FGD5: variants seen among roughly 807,000 people sequenced by gnomAD.
The protein encoded by FGD5 is FYVE, RhoGEF and PH domain-containing protein 5.
Under a neutral mutation model 133.4 loss-of-function variants are expected in FGD5, and 28 were observed. That is an observed-to-expected ratio of 0.21 (90% CI 0.16 to 0.29). The LOEUF is 0.29. Ranked by LOEUF, FGD5 falls within the 10% of genes least tolerant of loss-of-function variation. FGD5 has a pLI of 1.00. For missense variants in FGD5, 1,858 were observed against 1,895.2 expected, an observed-to-expected ratio of 0.98 and a Z score of 0.36; for synonymous variants, 810 against 776.5, an observed-to-expected ratio of 1.04 and a Z score of -0.72.
chr3:14,888,576 T>C (rs1437839899), intron 4 of FGD5, among the ~76,000 whole-genome samples: 1 of 152,256 alleles, frequency 6.6e-6, no homozygotes. Flanking sequence ...ATGTAAAATA[T>C]GCATTCTTTT....
intron 1 of FGD5, among the ~76,000 whole-genome samples, chr3:14,812,001 GGTGTGT>G (rs10644004): frequency 0.039 from 5,622 of 145,596 alleles, 345 homozygotes; most frequent in African/African-American, 0.13. Context: ...ATATCCTGCT[GGTGTGT>G]GTGTGTGTGT....
In FGD5 at chr3:14,922,076, C is replaced by T. The variant is rs1659321512; in HGVS notation, c.3669+59C>T. 11 of 1,514,650 alleles carry T rather than the reference C, an allele frequency of 7.3e-6. No homozygotes were observed. The highest frequency in any genetic ancestry group is 2.5e-5 in the East Asian group (1 of 40,766). 93.8% of individuals were successfully genotyped at this position (1,514,650 alleles called of 1,614,324 possible). On this transcript the variant is annotated intron_variant, in intron 14 of 19. Transcript: ENST00000285046. This position sits in a 1 kb window ranked among gnomAD's most constrained non-coding sequence, Gnocchi z 4.1. ...CTTCAGAGACCTGGGGTTCCCTGGG[C>T]GGGCATTGCTGTTGCCACTCACACC...
At chr3:14,814,757 G>A (rs778070824), upstream of FGD5, among the ~76,000 whole-genome samples, 3 of 152,194 alleles carry the variant, frequency 2.0e-5, no homozygotes, top group Non-Finnish European at 2.9e-5. Context: ...GTAGGTGACT[G>A]TGAATGGAGT....
intron 1 of FGD5, among the ~76,000 whole-genome samples, chr3:14,811,913 C>T (rs1182102030): frequency 6.6e-6 from 1 of 152,160 alleles, no homozygotes; most frequent in Non-Finnish European, 1.5e-5. Flanking sequence ...CCCCGACCAA[C>T]ACCCTTGTCC....
At chr3:14,811,060 C>G (rs973098706) in intron 1 of FGD5, among the ~76,000 whole-genome samples, 12 of 152,190 alleles carry the variant, frequency 7.9e-5, no homozygotes, top group Admixed American at 2.6e-4. Flanking sequence ...CGGGGGTCCC[C>G]GTCCGAAGCG....
rs552612173 is a variant in FGD5, at chr3:14,925,086, G to A, written c.4068+948G>A. Among the ~76,000 whole-genome samples the A allele has an allele frequency of 2.1e-4, 22 of 103,050 alleles. No homozygotes were observed. In the East Asian group the frequency reaches 7.0e-3, roughly 33 times the overall value. 67.6% of individuals were successfully genotyped at this position (103,050 alleles called of 152,430 possible). ...CACTGCACACCAGCCTGGCGACACA[G>A]CAAGACTCTGTCTCAAAAAAAAAAA... On this transcript the variant is annotated intron_variant, in intron 17 of 19. Coordinates refer to ENST00000285046, the MANE Select transcript of FGD5 (RefSeq NM_152536.4).
chr3:14,900,464 C>G lies in FGD5; in HGVS notation c.3205+11C>G, dbSNP rs746196764. On this transcript the variant is annotated intron_variant, in intron 8 of 19. Coordinates refer to ENST00000285046, the MANE Select transcript of FGD5 (RefSeq NM_152536.4). ...ACGACAACACACAGGGTGAGTCCAG[C>G]GTGAATGCGGAGGGAGGTACTCAAG... The G allele has an allele frequency of 2.5e-6, 4 of 1,612,638 alleles. No individual in the cohort carries two copies. The South Asian group carries it at 3.3e-5, about 13-fold the overall frequency.
At chr3:14,889,758 C>T (rs1042710578) in intron 4 of FGD5, among the ~76,000 whole-genome samples, 1 of 152,152 alleles carries the variant, frequency 6.6e-6, no homozygotes, top group Non-Finnish European at 1.5e-5. Flanking sequence ...GTAGTGGTGT[C>T]TCCCTGTGGC....
chr3:14,823,138 GCAAGTT>G (rs2036535807), intron 1 of FGD5, among the ~76,000 whole-genome samples: 1 of 152,238 alleles, frequency 6.6e-6, no homozygotes, highest in Admixed American at 6.5e-5. Flanking sequence ...GGCAGAGTCA[GCAAGTT>G]CATTACATTA....
chr3:14,899,675 G>A (rs1409577698), intron 7 of FGD5, among the ~76,000 whole-genome samples: 1 of 152,196 alleles, frequency 6.6e-6, no homozygotes, highest in African/African-American at 2.4e-5. Context: ...AAATCGAACA[G>A]CAAACTCAGT....
intron 11 of FGD5, among the ~76,000 whole-genome samples, chr3:14,913,155 A>G (rs1221244015): frequency 1.3e-5 from 2 of 152,150 alleles, no homozygotes; most frequent in Non-Finnish European, 2.9e-5. Flanking sequence ...TGACCCTTAG[A>G]CAACTCACAG....
chr3:14,831,374 T>C (rs2036704246), intron 1 of FGD5, among the ~76,000 whole-genome samples: 1 of 152,236 alleles, frequency 6.6e-6, no homozygotes, highest in African/African-American at 2.4e-5. Flanking sequence ...AGTTCAAAAC[T>C]GTAGCTAAGA....
At chr3:14,877,762 T>C (rs986657726) in intron 2 of FGD5, among the ~76,000 whole-genome samples, 1 of 152,150 alleles carries the variant, frequency 6.6e-6, no homozygotes, top group African/African-American at 2.4e-5. Flanking sequence ...AGGATAAAGA[T>C]GGGGCAGGGG....
chr3:14,912,520 G>A (rs1559503453), intron 11 of FGD5, among the ~76,000 whole-genome samples: 1 of 152,210 alleles, frequency 6.6e-6, no homozygotes, highest in Non-Finnish European at 1.5e-5. Flanking sequence ...ACAGATGCCT[G>A]AGTCCTTTTC....
intron 1 of FGD5, among the ~76,000 whole-genome samples, chr3:14,852,444 G>C (rs1163910778): frequency 6.6e-6 from 1 of 152,226 alleles, no homozygotes; most frequent in Non-Finnish European, 1.5e-5. Flanking sequence ...GCCTAGCAAG[G>C]AGTGAGGTTT....
chr3:14,878,994 A>G (rs1291607716), intron 2 of FGD5, among the ~76,000 whole-genome samples: 8 of 152,230 alleles, frequency 5.3e-5, no homozygotes, highest in Non-Finnish European at 1.0e-4. Context: ...GGCGTGAGCC[A>G]CTGTGCCCGG....
chr3:14,812,686 A>G (rs2036311531), intron 1 of FGD5, among the ~76,000 whole-genome samples: 1 of 152,212 alleles, frequency 6.6e-6, no homozygotes, highest in Non-Finnish European at 1.5e-5. Context: ...CACAGACTCC[A>G]TAGGACTGAA....
chr3:14,835,505 A>G (rs528911719), intron 1 of FGD5, among the ~76,000 whole-genome samples: 1 of 150,642 alleles, frequency 6.6e-6, no homozygotes, highest in East Asian at 1.9e-4. Context: ...GTCTCAAAAA[A>G]AAAAAGAAAA....
chr3:14,894,858 C>T (rs906099138), intron 4 of FGD5, among the ~76,000 whole-genome samples: 2 of 152,052 alleles, frequency 1.3e-5, no homozygotes, highest in Non-Finnish European at 2.9e-5. Context: ...TTCTCTGCAT[C>T]TTTGCCAACA....
Sources: gnomAD v4.1 joint callset for allele counts (sites outside exome capture counted in the v4.1 genomes callset) on GRCh38, gnomAD v4.1.1 for gene constraint, Gnocchi (gnomAD v3.1) non-coding constraint, MANE v1.5 for transcripts, NCBI Gene and HGNC (gene_info 2026-07-23, HGNC 2026-07-21) for gene names.